AOAH: variants seen among roughly 807,000 people sequenced by gnomAD.
AOAH encodes the protein acyloxyacyl hydrolase, also known as acyloxyacyl hydrolase (neutrophil).
Under a neutral mutation model 92.2 loss-of-function variants are expected in AOAH, and 64 were observed. The ratio of observed to expected loss-of-function variants is 0.69; its 90% CI spans 0.57 to 0.86. AOAH has a LOEUF of 0.86. Among genes scored for constraint, AOAH ranks in the 40% least tolerant of loss-of-function variants. The pLI is 0.00. For missense variants in AOAH, 656 were observed against 694.6 expected, an observed-to-expected ratio of 0.94 and a Z score of 0.62; for synonymous variants, 263 against 254.5, an observed-to-expected ratio of 1.03 and a Z score of -0.32.
chr7:36,548,552 G>T, intron 15 of AOAH, 60 bp downstream of exon 15: 1 of 1,400,766 alleles, frequency 7.1e-7, no homozygotes, highest in Non-Finnish European at 1.0e-6. Flanking sequence ...TTGGTGAGGA[G>T]AGGGTGGGGA....
intron 1 of AOAH, among the ~76,000 whole-genome samples, chr7:36,690,397 C>T (rs1334847886): frequency 6.6e-6 from 1 of 152,164 alleles, no homozygotes; most frequent in Non-Finnish European, 1.5e-5. Flanking sequence ...GCCATCTCCG[C>T]CTGTCTCCAG....
intron 3 of AOAH, among the ~76,000 whole-genome samples, chr7:36,669,348 G>T (rs6957500): frequency 0.59 from 87,232 of 148,854 alleles, 25,781 homozygotes; most frequent in South Asian, 0.66. Context: ...AATTATCTTG[G>T]GAATAACAGA....
intron 13 of AOAH, among the ~76,000 whole-genome samples, chr7:36,575,671 T>TA (rs1233702892): frequency 3.3e-5 from 5 of 152,120 alleles, no homozygotes; most frequent in Non-Finnish European, 5.9e-5. Flanking sequence ...ATTTTATTAG[T>TA]AAAAAAAATC....
chr7:36,565,059 A>G (rs1787590554), intron 13 of AOAH, among the ~76,000 whole-genome samples: 1 of 152,240 alleles, frequency 6.6e-6, no homozygotes, highest in African/African-American at 2.4e-5. Context: ...AAAAGTTTCT[A>G]GTGATTAAAC....
intron 2 of AOAH, among the ~76,000 whole-genome samples, chr7:36,684,906 C>CAAAAAAAAAAAAAAA (rs57827044): frequency 6.7e-5 from 4 of 59,988 alleles, no homozygotes; most frequent in Non-Finnish European, 1.1e-4. Context: ...GACCTTGTCT[C>CAAAAAAAAAAAAAAA]AAAAAAAAAA....
At position 36,678,600 on chromosome 7, in the gene AOAH, T is replaced by TGTGTGTGTGTGTGTGTGC. The variant is rs549317369; in HGVS notation, c.224-4592_224-4591insGCACACACACACACACAC. 6.2e-4 allele frequency among the ~76,000 whole-genome samples: 81 copies of TGTGTGTGTGTGTGTGTGC among 131,064 alleles called. 1 individual carries two copies. Among genetic ancestry groups the TGTGTGTGTGTGTGTGTGC allele is most frequent in the Non-Finnish European group, 8.8e-4 (52 of 59,046 alleles). 86.0% of individuals were successfully genotyped at this position (131,064 alleles called of 152,430 possible). A position where few individuals can be genotyped will look rare whatever the true frequency, so the allele number is the denominator to read the frequency against. ...GTGTGTGTGTGTGTGTGTGTGTGTG[T>TGTGTGTGTGTGTGTGTGC]GCGCGCGCGCGCGCGTTAGAATTCT... On this transcript the variant is annotated intron_variant, in intron 2 of 20. Transcript: ENST00000617537.
chr7:36,542,592 A>G (rs868651583), intron 15 of AOAH, among the ~76,000 whole-genome samples: 97 of 152,328 alleles, frequency 6.4e-4, no homozygotes, highest in African/African-American at 2.1e-3. Flanking sequence ...TTCAAAATGT[A>G]TCCAAATTTG....
intron 11 of AOAH, among the ~76,000 whole-genome samples, chr7:36,608,136 G>A (rs936194182): frequency 2.0e-5 from 3 of 152,156 alleles, no homozygotes; most frequent in Non-Finnish European, 4.4e-5. Flanking sequence ...CTGCTGCCTC[G>A]GTCACTGCTC....
At chr7:36,585,077 C>T (rs1789219344) in intron 12 of AOAH, among the ~76,000 whole-genome samples, 1 of 151,676 alleles carries the variant, frequency 6.6e-6, no homozygotes. Context: ...TATTGAAGGA[C>T]ATGATAGGAT....
chr7:36,544,733 T>C (rs1785683445), intron 15 of AOAH, among the ~76,000 whole-genome samples: 1 of 152,214 alleles, frequency 6.6e-6, no homozygotes, highest in Non-Finnish European at 1.5e-5. Flanking sequence ...TGTCCCGCCC[T>C]AATGAATTGT....
chr7:36,660,414 C>G (rs962353945), intron 3 of AOAH, among the ~76,000 whole-genome samples: 5 of 152,194 alleles, frequency 3.3e-5, no homozygotes, highest in Admixed American at 6.5e-5. Context: ...CCCCTGGGTT[C>G]AAGTGATTCT....
At chr7:36,685,898 T>C (rs1796973107) in intron 2 of AOAH, among the ~76,000 whole-genome samples, 1 of 152,138 alleles carries the variant, frequency 6.6e-6, no homozygotes, top group Non-Finnish European at 1.5e-5. Flanking sequence ...ACAACTTCTC[T>C]GAAAAGACTT....
chr7:36,658,138 C>T (rs11982513), intron 4 of AOAH, among the ~76,000 whole-genome samples: 2 of 152,010 alleles, frequency 1.3e-5, no homozygotes, highest in African/African-American at 2.4e-5. Context: ...AAATTTAATT[C>T]GCACTTAGTC....
rs1292728397 is a variant in AOAH, at chr7:36,549,481, T to G, written c.1022-6A>C. ...CAGGTTTCGGGAAGATGCACCTGAA[T>G]AATTAAAATTAAGAAAACAATTAAA... On this transcript the variant is annotated splice_region_variant and splice_polypyrimidine_tract_variant and intron_variant, in intron 13 of 20. Transcript: ENST00000617537. 1.3e-6 allele frequency: 2 copies of G among 1,572,144 alleles called. No individual in the cohort carries two copies. Among genetic ancestry groups the G allele is most frequent in the Non-Finnish European group, 1.7e-6 (2 of 1,149,410 alleles).
chr7:36,683,088 T>G (rs778956909), intron 2 of AOAH, among the ~76,000 whole-genome samples: 2 of 152,186 alleles, frequency 1.3e-5, no homozygotes, highest in Non-Finnish European at 2.9e-5. Flanking sequence ...AACTTCAAAG[T>G]ATAAACAGCA....
intron 4 of AOAH, among the ~76,000 whole-genome samples, chr7:36,639,090 A>C (rs781000463): frequency 6.6e-6 from 1 of 152,240 alleles, no homozygotes; most frequent in Non-Finnish European, 1.5e-5. Flanking sequence ...AAAAGAGCTG[A>C]TCCCAATCTT....
At chr7:36,629,627 G>A (rs1792928479) in intron 6 of AOAH, among the ~76,000 whole-genome samples, 1 of 152,170 alleles carries the variant, frequency 6.6e-6, no homozygotes, top group South Asian at 2.1e-4. Flanking sequence ...TACATAGCTG[G>A]CTTGCAGGGG....
chr7:36,595,691 A>G (rs969840161), intron 11 of AOAH, among the ~76,000 whole-genome samples: 2 of 152,186 alleles, frequency 1.3e-5, no homozygotes, highest in African/African-American at 4.8e-5. Flanking sequence ...CTAAGCTCAA[A>G]TTTGACTGAG....
At chr7:36,713,396 A>G (rs527963738) in intron 1 of AOAH, among the ~76,000 whole-genome samples, 386 of 152,222 alleles carry the variant, frequency 2.5e-3, no homozygotes, top group African/African-American at 8.8e-3. Context: ...TTAACACCCC[A>G]CTGTCAACAT....
Sources: gnomAD v4.1 joint callset for allele counts (sites outside exome capture counted in the v4.1 genomes callset) on GRCh38, gnomAD v4.1.1 for gene constraint, MANE v1.5 for transcripts, NCBI Gene and HGNC (gene_info 2026-07-23, HGNC 2026-07-21) for gene names.